Variants in CAST observed in about 807,000 individuals in gnomAD.
CAST encodes calpastatin, also known as MIR583 host.
In CAST, 76 loss-of-function variants were observed where a neutral mutation model predicts 119.6. That is an observed-to-expected ratio of 0.64 (90% CI 0.53 to 0.77). The LOEUF (loss-of-function observed/expected upper bound fraction) is 0.77. CAST is among the 30% of genes least tolerant of loss of function. The probability of loss-of-function intolerance (pLI) is 0.00; values close to 1 mark genes in which losing one functional copy is unlikely to be tolerated. For synonymous variants in CAST, 319 were observed against 331.6 expected (o/e 0.96, Z 0.41); for missense variants, 953 against 946.5 (o/e 1.01, Z -0.09).
At chr5:96,453,018 G>C in the CAST span, among the ~76,000 whole-genome samples, 1 of 147,894 alleles carries the variant, frequency 6.8e-6, no homozygotes, top group African/African-American at 2.5e-5. Flanking sequence ...GAAATTCCGA[G>C]TAACCAAGGA....
At chr5:96,238,439 G>C in the CAST span, among the ~76,000 whole-genome samples, 1 of 150,354 alleles carries the variant, frequency 6.7e-6, no homozygotes, top group Non-Finnish European at 1.5e-5. Context: ...CCAGGCTGGA[G>C]TGCAATGGTA....
chr5:96,034,604 GT>G, the CAST span, among the ~76,000 whole-genome samples: 2 of 149,072 alleles, frequency 1.3e-5, no homozygotes, highest in African/African-American at 2.5e-5. Flanking sequence ...ACCTAACATA[GT>G]TTTTTTTCTT....
chr5:96,510,640 A>G, the CAST span, among the ~76,000 whole-genome samples: 2,417 of 152,354 alleles, frequency 0.016, 71 homozygotes, highest in African/African-American at 0.056. Context: ...CAGAAAGGCA[A>G]TCCAAAACAA....
chr5:96,210,497 A>C, the CAST span, among the ~76,000 whole-genome samples: 1 of 151,974 alleles, frequency 6.6e-6, no homozygotes, highest in Non-Finnish European at 1.5e-5. Flanking sequence ...TCAGTTAGGC[A>C]TATTTGTTTG....
chr5:96,278,260 G>C, the CAST span, among the ~76,000 whole-genome samples: 14 of 152,156 alleles, frequency 9.2e-5, no homozygotes, highest in African/African-American at 3.4e-4. Flanking sequence ...ACAGCAGACT[G>C]TTCCTCCTAG....
the CAST span, among the ~76,000 whole-genome samples, chr5:96,296,812 A>G: frequency 6.6e-6 from 1 of 152,324 alleles, no homozygotes; most frequent in Non-Finnish European, 1.5e-5. Context: ...TGTCTTTGCT[A>G]TCTGTTCCTC....
intron 1 of CAST, among the ~76,000 whole-genome samples, chr5:96,542,912 T>C (rs1280839497): frequency 1.3e-5 from 2 of 152,198 alleles, no homozygotes; most frequent in Non-Finnish European, 2.9e-5. Context: ...TGTGGAGAAA[T>C]AGGAACACTT....
intron 1 of CAST, among the ~76,000 whole-genome samples, chr5:96,643,408 G>A (rs1008717554): frequency 9.9e-5 from 15 of 152,182 alleles, no homozygotes; most frequent in Non-Finnish European, 1.5e-4. Context: ...CTGGTGAGGG[G>A]ACAGATGTGA....
chr5:96,678,094 T>G (rs1750918241), intron 2 of CAST, among the ~76,000 whole-genome samples: 1 of 152,224 alleles, frequency 6.6e-6, no homozygotes. Context: ...GCAATCTGAA[T>G]TTGTTATCTG....
intron 3 of CAST, among the ~76,000 whole-genome samples, chr5:96,696,686 T>TAAAAAAAA (rs57199097): frequency 1.0e-5 from 1 of 97,180 alleles, no homozygotes. Context: ...CTTTCTCTCC[T>TAAAAAAAA]AAAAAAAAAA....
At chr5:96,693,157 G>C (rs1156667570) in intron 2 of CAST, among the ~76,000 whole-genome samples, 1 of 152,182 alleles carries the variant, frequency 6.6e-6, no homozygotes, top group Non-Finnish European at 1.5e-5. Flanking sequence ...TCTCACTTCA[G>C]CTGAACTACA....
At chr5:96,208,286 A>G in the CAST span, among the ~76,000 whole-genome samples, 1 of 150,788 alleles carries the variant, frequency 6.6e-6, no homozygotes, top group Non-Finnish European at 1.5e-5. Flanking sequence ...TTATGGTTTT[A>G]TTGATCTTTT....
chr5:96,589,678 T>C (rs1580836895), intron 1 of CAST, among the ~76,000 whole-genome samples: 1 of 152,208 alleles, frequency 6.6e-6, no homozygotes, highest in African/African-American at 2.4e-5. Context: ...AGTTGAGTGA[T>C]TCCTTTAATA....
chr5:96,742,476 T>C lies in CAST; in HGVS notation c.1099-179T>C, dbSNP rs1762892598. The C allele has an allele frequency of 1.0e-5, 6 of 575,240 alleles. No homozygotes were observed. In the East Asian group the frequency reaches 1.5e-4, roughly 14 times the overall value. 35.6% of individuals were successfully genotyped at this position (575,240 alleles called of 1,614,324 possible). A position where few individuals can be genotyped will look rare whatever the true frequency, so the allele number is the denominator to read the frequency against. ...GTGTCTTAGCCCCAATTTCCACTCA[T>C]TGGTAAGTTCTTTTTCCTTTCTCTC... On this transcript the variant is annotated intron_variant, in intron 15 of 31. Transcript: ENST00000675179.
At chr5:96,539,570 A>G (rs1269860969) in intron 1 of CAST, among the ~76,000 whole-genome samples, 1 of 152,098 alleles carries the variant, frequency 6.6e-6, no homozygotes, top group East Asian at 1.9e-4. Flanking sequence ...GGTTTTGACA[A>G]ACATGTCATG....
the CAST span, among the ~76,000 whole-genome samples, chr5:96,034,905 G>A: frequency 1.3e-5 from 2 of 151,130 alleles, no homozygotes; most frequent in African/African-American, 4.9e-5. Flanking sequence ...TACATTTAAT[G>A]TCTCTAGGTT....
At chr5:96,322,039 T>C in the CAST span, among the ~76,000 whole-genome samples, 1 of 152,220 alleles carries the variant, frequency 6.6e-6, no homozygotes, top group East Asian at 1.9e-4. Context: ...CCTTTCAAAC[T>C]GTCTATTGCC....
chr5:96,588,189 TTTCTTTC>T, intron 1 of CAST, among the ~76,000 whole-genome samples: 1 of 135,812 alleles, frequency 7.4e-6, no homozygotes, highest in South Asian at 2.3e-4. Context: ...TCTTTCTTTC[TTTCTTTC>T]TTTTTTTTTT....
chr5:96,246,390 T>G, the CAST span, among the ~76,000 whole-genome samples: 1 of 152,144 alleles, frequency 6.6e-6, no homozygotes, highest in East Asian at 1.9e-4. Context: ...TTTCACTGTG[T>G]TACCCAGGAT....
Sources: allele counts gnomAD v4.1 joint callset (sites outside exome capture counted in the v4.1 genomes callset), GRCh38; gene constraint gnomAD v4.1.1; transcripts MANE v1.5; gene names NCBI Gene and HGNC (gene_info 2026-07-23, HGNC 2026-07-21).